The following KDM5B variants were observed in gnomAD, a reference collection of about 807,000 sequenced individuals.
KDM5B encodes lysine demethylase 5B.
KDM5B carries 144 observed loss-of-function variants against 193.4 expected under a neutral mutation model. The observed-to-expected ratio is 0.74, with a 90% CI of 0.65 to 0.86. The LOEUF is 0.86. Ranked by LOEUF, KDM5B falls within the 40% of genes least tolerant of loss-of-function variation. KDM5B has a pLI of 0.00. For missense variants in KDM5B, 1,833 were observed against 1,886.9 expected (o/e 0.97, Z 0.53); for synonymous variants, 668 against 682.6 (o/e 0.98, Z 0.33).
chr1:202,758,587 T>TA, intron 8 of KDM5B, 77 bp from the exon 9 acceptor site: 4 of 1,259,694 alleles, frequency 3.2e-6, no homozygotes, highest in Non-Finnish European at 4.3e-6. Flanking sequence ...AGCTGGCAGA[T>TA]AAAAAACAAG....
Position 202,733,602 on chromosome 1 carries a change from G to C in KDM5B, c.3708C>G (p.Leu1236=). The change falls in exon 23 of 27, where the codon CTC becomes CTG. Residue 1236 remains leucine, a synonymous_variant. Coordinates refer to ENST00000367265, the MANE Select transcript of KDM5B (RefSeq NM_006618.5). ...GAACTCGGATACGCTGAAGGGAGGC[G>C]AGCAGGGGCAGAATTTTCTCTAATG... ...KPPLEKILPL[L]ASLQRIRVRL... 6.2e-7 allele frequency: 1 copy of C among 1,614,130 alleles called. No homozygotes were observed. Among genetic ancestry groups the C allele is most frequent in the South Asian group, 1.1e-5 (1 of 91,080 alleles).
intron 1 of KDM5B, among the ~76,000 whole-genome samples, chr1:202,785,353 A>T (rs201964151): frequency 1.3e-5 from 2 of 151,924 alleles, no homozygotes; most frequent in East Asian, 3.9e-4. Flanking sequence ...ATATTTTCCC[A>T]TTGTTATTTC....
chr1:202,788,214 T>A (rs1657490101), intron 1 of KDM5B, among the ~76,000 whole-genome samples: 1 of 152,214 alleles, frequency 6.6e-6, no homozygotes, highest in African/African-American at 2.4e-5. Flanking sequence ...CAGTCTTCCC[T>A]AAAGTCCTAT....
chr1:202,741,606 A>G lies in KDM5B; in HGVS notation c.2706T>C (p.Val902=), dbSNP rs1240236360. The part of the protein sequence containing the change: ...DLLDVSFEFD[V]ELPQLAEMRI... ...GCATCTCAGCAAGCTGTGGAAGTTC[A>G]ACATCAAATTCAAAGCTGACATCTA... The change falls in exon 19 of 27, where the codon GTT becomes GTC. Residue 902 remains valine, a synonymous_variant. Transcript: ENST00000367265. The G allele has an allele frequency of 6.2e-7, 1 of 1,614,248 alleles. No homozygotes were observed. The highest frequency in any genetic ancestry group is 8.5e-7 in the Non-Finnish European group (1 of 1,180,042).
intron 1 of KDM5B, among the ~76,000 whole-genome samples, chr1:202,793,607 A>G (rs1657726578): frequency 6.6e-6 from 1 of 152,232 alleles, no homozygotes; most frequent in Non-Finnish European, 1.5e-5. Flanking sequence ...AAATAATGGA[A>G]CACATGCCAG....
At chr1:202,743,287 C>T (rs1392499746) in intron 16 of KDM5B, among the ~76,000 whole-genome samples, 1 of 131,908 alleles carries the variant, frequency 7.6e-6, no homozygotes, top group Non-Finnish European at 1.5e-5. Context: ...CGGTGAGCCA[C>T]GACCATGCCA....
chr1:202,756,495 C>G lies in KDM5B; in HGVS notation c.1219G>C (p.Glu407Gln). 2 of 1,607,200 alleles carry G rather than the reference C, an allele frequency of 1.2e-6. No individual in the cohort carries two copies. Among genetic ancestry groups the G allele is most frequent in the Non-Finnish European group, 1.7e-6 (2 of 1,177,142 alleles). Residue 407 changes from glutamate to glutamine, a missense_variant, in exon 10 of 27, where the codon GAG (glutamate) becomes CAG (glutamine). Physicochemically the swap from Glu to Gln is conservative, Grantham distance 29. Around this residue, in one of 3 missense-constraint regions of KDM5B, gnomAD observed 99 missense variants for 162.4 expected, o/e 0.61. Transcript: ENST00000367265. ...CTTACTAGTCTCCAAAATTCTTTCT[C>G]AACAAGCTCTGTGGGGACCATCTGG... ...PVHMVPTELV[E>Q]KEFWRLVSTI...
At chr1:202,762,010 G>C (rs562091363) in intron 7 of KDM5B, among the ~76,000 whole-genome samples, 221 of 152,172 alleles carry the variant, frequency 1.5e-3, no homozygotes, top group African/African-American at 5.0e-3. Flanking sequence ...CATTCAATTA[G>C]AATAATTTCT....
chr1:202,750,430 C>T (rs548969334), intron 13 of KDM5B, among the ~76,000 whole-genome samples: 1 of 152,200 alleles, frequency 6.6e-6, no homozygotes, highest in East Asian at 1.9e-4. Flanking sequence ...AGGCGCCCAC[C>T]GCCACGCCTA....
rs1467316667 is a variant in KDM5B at position 202,728,824 on chromosome 1, T to C, written c.*212A>G. The C allele has an allele frequency of 3.7e-6, 2 of 534,216 alleles. No homozygotes were observed. The highest frequency in any genetic ancestry group is 5.8e-5 in the South Asian group (2 of 34,384). The allele number at this position is 534,216 out of a possible 1,614,324, so 33.1% of individuals were successfully genotyped here. On this transcript the variant is annotated 3_prime_UTR_variant, in exon 27 of 27. Transcript: ENST00000367265. Reference sequence around the variant, plus strand: ...AACCTCAACAACCACAAATAGCTCTTAAGGAAAAAATACAAAAAGTGTCAA... The same window carrying C: ...AACCTCAACAACCACAAATAGCTCTCAAGGAAAAAATACAAAAAGTGTCAA...
chr1:202,751,757 G>GTT (rs1655800644), intron 12 of KDM5B, among the ~76,000 whole-genome samples: 7 of 152,072 alleles, frequency 4.6e-5, no homozygotes, highest in African/African-American at 1.7e-4. Flanking sequence ...AAATGCACAA[G>GTT]GAGTTCATTC....
At chr1:202,786,943 T>C (rs952323470) in intron 1 of KDM5B, among the ~76,000 whole-genome samples, 1 of 152,178 alleles carries the variant, frequency 6.6e-6, no homozygotes, top group African/African-American at 2.4e-5. Context: ...ACCCCGTCTC[T>C]ACTAAATATA....
Position 202,748,928 on chromosome 1 carries a change from A to G in KDM5B, c.2016+17T>C, listed in dbSNP as rs1159017657. The G allele has an allele frequency of 1.9e-6, 3 of 1,583,150 alleles. No homozygotes were observed. The South Asian group carries it at 3.5e-5, about 18-fold the overall frequency. ...ATACCCAATGACAACATGCAGTTGG[A>G]TTTCCATAAGCCTTACCAATTTACG... On this transcript the variant is annotated intron_variant, in intron 14 of 26. Coordinates refer to ENST00000367265, the MANE Select transcript of KDM5B (RefSeq NM_006618.5).
At chr1:202,759,625 T>A (rs967502297) in intron 8 of KDM5B, among the ~76,000 whole-genome samples, 1 of 151,822 alleles carries the variant, frequency 6.6e-6, no homozygotes, top group African/African-American at 2.4e-5. Flanking sequence ...CAGCATGCAC[T>A]ATTAAAAACA....
In KDM5B at chr1:202,729,719, T is replaced by C. The variant is rs764939441; in HGVS notation, c.4485A>G (p.Pro1495=). The C allele has an allele frequency of 8.1e-6, 13 of 1,613,220 alleles. No homozygotes were observed. Among genetic ancestry groups the C allele is most frequent in the Non-Finnish European group, 8.5e-6 (10 of 1,179,494 alleles). Residue 1495 remains proline, a synonymous_variant, in exon 26 of 27, where the codon CCA becomes CCG. Coordinates refer to ENST00000367265, the MANE Select transcript of KDM5B (RefSeq NM_006618.5). ...AAACCTCACTGACCTCATCTCCTTC[T>C]GGCTGCAGGCAGCTCACAGCTGGGC... ...AICPAVSCLQ[P]EGDEVDWVQC...
chr1:202,752,998 T>C lies in KDM5B; in HGVS notation c.1608A>G (p.Lys536=). The C allele has an allele frequency of 6.2e-7, 1 of 1,613,952 alleles. No homozygotes were observed. The highest frequency in any genetic ancestry group is 1.1e-5 in the South Asian group (1 of 91,078). Residue 536 remains lysine (K), a synonymous_variant, in exon 12 of 27, where the codon AAA becomes AAG. Coordinates refer to ENST00000367265, the MANE Select transcript of KDM5B (RefSeq NM_006618.5). The stretch of plus-strand genomic sequence containing the variant: ...GGGACACAAAGAGTTCTGGAGCTAG[T>C]TTCTTCATTACATTTTCTAGCTGCT... ...AAEQLENVMK[K]LAPELFVSQP... is the part of the protein sequence containing the mutation.
chr1:202,798,923 G>GGTGAGAGGACGGCTTGAGCTC (rs1657963462), intron 1 of KDM5B, among the ~76,000 whole-genome samples: 1 of 152,100 alleles, frequency 6.6e-6, no homozygotes. Flanking sequence ...AGGAGGCCGA[G>GGTGAGAGGACGGCTTGAGCTC]GTGAGAGGAC....
chr1:202,755,231 G>T (rs1298560355), intron 11 of KDM5B, 40 bp downstream of exon 11: 4 of 1,519,390 alleles, frequency 2.6e-6, no homozygotes, highest in Non-Finnish European at 3.6e-6. Context: ...TTCCTATCCA[G>T]CATGCATACT....
intron 11 of KDM5B, among the ~76,000 whole-genome samples, chr1:202,754,142 T>A (rs1042131757): frequency 6.6e-6 from 1 of 152,244 alleles, no homozygotes; most frequent in African/African-American, 2.4e-5. Context: ...TCTAAGGAAT[T>A]CTTATTCTTC....
Sources: gnomAD v4.1 joint callset for allele counts (sites outside exome capture counted in the v4.1 genomes callset) on GRCh38, gnomAD v4.1.1 for gene constraint, gnomAD v4.1.1 regional missense constraint, MANE v1.5 for transcripts, NCBI Gene and HGNC (gene_info 2026-07-23, HGNC 2026-07-21) for gene names.